Variants in ULK1 observed in about 807,000 individuals in gnomAD.
The protein encoded by ULK1 is unc-51 like autophagy activating kinase 1, also known as serine/threonine-protein kinase ULK1.
In ULK1, 48 loss-of-function variants were observed where a neutral mutation model predicts 117.5. That is an observed-to-expected ratio of 0.41 (90% CI 0.32 to 0.52). The LOEUF (loss-of-function observed/expected upper bound fraction) is 0.52, where lower values mean the gene tolerates loss of function less well. ULK1 is among the 20% of genes least tolerant of loss of function. ULK1 has a pLI of 0.29. For missense variants in ULK1, 1,387 were observed against 1,473.4 expected (o/e 0.94, Z 0.96); for synonymous variants, 790 against 637.8 (o/e 1.24, Z -3.60).
chr12:131,904,967 C>G (rs1889217168), intron 3 of ULK1, among the ~76,000 whole-genome samples: 1 of 152,182 alleles, frequency 6.6e-6, no homozygotes, highest in Non-Finnish European at 1.5e-5. Flanking sequence ...CTCCCCACAG[C>G]TGCTGGGAGC....
In ULK1 at chr12:131,912,101, C is replaced by A; in HGVS notation, c.1096+12C>A. Reference sequence around the variant, plus strand: ...CGCGCAGTTTCCAGGTCAGGGGGCACGCTGGGCTTGGAGGTGACGCCTCAG... The same window carrying A: ...CGCGCAGTTTCCAGGTCAGGGGGCAAGCTGGGCTTGGAGGTGACGCCTCAG... On this transcript the variant is annotated intron_variant, in intron 13 of 27. Transcript: ENST00000321867. 6.2e-7 allele frequency: 1 copy of A among 1,608,742 alleles called. No homozygotes were observed. Among genetic ancestry groups the A allele is most frequent in the Admixed American group, 1.7e-5 (1 of 59,502 alleles).
At position 131,915,116 on chromosome 12, in the gene ULK1, C is replaced by A. The variant is rs958107443; in HGVS notation, c.1407C>A (p.Ser469Arg). Residue 469 changes from serine to arginine, a missense_variant, in exon 17 of 28, where the codon AGC (serine) becomes AGA (arginine). Around this residue, in one of 4 missense-constraint regions of ULK1, gnomAD observed 900 missense variants for 858.9 expected, o/e 1.05. Transcript: ENST00000321867. ...SSAIRRSGST[S>R]PLGFARASPS... ...CCATCCGCAGGTCAGGCAGCACCAG[C>A]CCCCTGGGCTTTGCAAGGGCCAGCC... The A allele has an allele frequency of 2.5e-6, 4 of 1,575,268 alleles. No homozygotes were observed. Among genetic ancestry groups the A allele is most frequent in the Non-Finnish European group, 1.7e-6 (2 of 1,161,964 alleles).
At chr12:131,904,019 C>T (rs541681065) in intron 3 of ULK1, among the ~76,000 whole-genome samples, 1 of 152,046 alleles carries the variant, frequency 6.6e-6, no homozygotes, top group Non-Finnish European at 1.5e-5. Flanking sequence ...ATGGCAGGGC[C>T]AGGTGCCCTG....
intron 26 of ULK1, chr12:131,920,679 G>A (rs1365687538): frequency 9.9e-6 from 2 of 202,106 alleles, no homozygotes; most frequent in African/African-American, 4.6e-5. Context: ...AGCTTCCCAA[G>A]ATGCTGGGTA....
At chr12:131,914,216 C>G in intron 15 of ULK1, 136 bp from the exon 16 acceptor site, 1 of 1,391,742 alleles carries the variant, frequency 7.2e-7, no homozygotes, top group East Asian at 2.3e-5. Context: ...CTTTTCAGAC[C>G]TGGCATGGGT....
In ULK1 at chr12:131,903,078, T is replaced by C. The variant is rs906422349; in HGVS notation, c.247-3814T>C. ...TGGCCGGTGAGGCTGTGCTCTCACC[T>C]GACCCCCCTCAAGAGCCCTAGAGAG... On this transcript the variant is annotated intron_variant, in intron 3 of 27. Transcript: ENST00000321867. This position sits in a 1 kb window ranked among gnomAD's most constrained non-coding sequence, Gnocchi z 6.0. Among the ~76,000 whole-genome samples the C allele has an allele frequency of 3.3e-5, 5 of 152,118 alleles. No homozygotes were observed. The highest frequency in any genetic ancestry group is 4.8e-5 in the African/African-American group (2 of 41,422).
chr12:131,910,259 T>C lies in ULK1; in HGVS notation c.814T>C (p.Phe272Leu). 6.2e-7 allele frequency: 1 copy of C among 1,613,082 alleles called. No individual in the cohort carries two copies. The highest frequency in any genetic ancestry group is 8.5e-7 in the Non-Finnish European group (1 of 1,179,810). The change falls in exon 11 of 28, where the codon TTT becomes CTT. Residue 272 changes from phenylalanine (F) to leucine (L), a missense_variant. By Grantham distance (22) the Phe-to-Leu change is conservative. Coordinates refer to ENST00000321867, the MANE Select transcript of ULK1 (RefSeq NM_003565.4). ...NHKDRMDFDE[F>L]FHHPFLDASP... ...ACTCCTCCTTCCTCCTGCAGATGAGTTTTTTCATCACCCTTTCCTCGATGC... is the reference window on the plus strand; with the variant it reads ...ACTCCTCCTTCCTCCTGCAGATGAGCTTTTTCATCACCCTTTCCTCGATGC...
At position 131,916,635 on chromosome 12, in the gene ULK1, C is replaced by T. The variant is rs368278240; in HGVS notation, c.2072+44C>T. On this transcript the variant is annotated intron_variant, in intron 20 of 27. Transcript: ENST00000321867. ...CCTTGGACGGGCTTCTGAGGGGCAG[C>T]CTCTTTCCCCTGCATTGTTCTGCTG... 53 of 1,488,304 alleles carry T rather than the reference C, an allele frequency of 3.6e-5. No individual in the cohort carries two copies. The African/African-American group carries it at 6.5e-4, about 18-fold the overall frequency. The allele number at this position is 1,488,304 out of a possible 1,614,324, so 92.2% of individuals were successfully genotyped here.
chr12:131,914,018 G>T (rs966348290), intron 15 of ULK1, among the ~76,000 whole-genome samples, 182 bp downstream of exon 15: 4 of 152,254 alleles, frequency 2.6e-5, no homozygotes, highest in Admixed American at 1.3e-4. Context: ...AGTGGGAGGA[G>T]CATTGACAGG....
intron 20 of ULK1, 42 bp from the exon 21 acceptor site, chr12:131,916,911 G>A: frequency 1.3e-6 from 2 of 1,553,246 alleles, no homozygotes; most frequent in Non-Finnish European, 1.8e-6. Context: ...AGTTAGGGTG[G>A]GGTGGGCCGG....
At position 131,919,290 on chromosome 12, in the gene ULK1, A is replaced by C; in HGVS notation, c.2590A>C (p.Lys864Gln). 4 of 1,597,692 alleles carry C rather than the reference A, an allele frequency of 2.5e-6. No individual in the cohort carries two copies. The highest frequency in any genetic ancestry group is 2.6e-6 in the Non-Finnish European group (3 of 1,175,476). ...GCACGTCCTGGAGATCGCAGCCCTG[A>C]AGGGCAGCGCCAGTGAGGCGGCGGG... ...VQHVLEIAAL[K>Q]GSASEAAGGP... The change falls in exon 24 of 28, where the codon AAG (lysine) becomes CAG (glutamine). Residue 864 changes from lysine to glutamine, a missense_variant. Coordinates refer to ENST00000321867, the MANE Select transcript of ULK1 (RefSeq NM_003565.4).
chr12:131,909,889 C>T (rs767895640), intron 9 of ULK1, 30 bp from the exon 10 acceptor site: 2 of 1,611,152 alleles, frequency 1.2e-6, no homozygotes, highest in East Asian at 4.5e-5. Context: ...CCCCGCAGGC[C>T]CTGCTCACAC....
chr12:131,907,930 G>A (rs574200827), intron 5 of ULK1, among the ~76,000 whole-genome samples: 2 of 151,830 alleles, frequency 1.3e-5, no homozygotes, highest in African/African-American at 4.8e-5. Flanking sequence ...AGGACAGCAG[G>A]GGGGCGGCCG....
intron 12 of ULK1, among the ~76,000 whole-genome samples, chr12:131,911,198 G>A (rs1889519244): frequency 6.6e-6 from 1 of 152,200 alleles, no homozygotes; most frequent in Non-Finnish European, 1.5e-5. Context: ...TGACATGGGA[G>A]GGGTCTGCAG....
At chr12:131,919,656 G>A in intron 25 of ULK1, 66 bp downstream of exon 25, 1 of 1,527,496 alleles carries the variant, frequency 6.5e-7, no homozygotes, top group Non-Finnish European at 9.0e-7. Flanking sequence ...CAACTGCCTG[G>A]GTGACAGGGT....
intron 3 of ULK1, among the ~76,000 whole-genome samples, chr12:131,896,213 C>A (rs950317815): frequency 6.6e-6 from 1 of 152,116 alleles, no homozygotes; most frequent in Non-Finnish European, 1.5e-5. Flanking sequence ...CGGCATTGGC[C>A]GGCCTCGCTC....
chr12:131,895,748 C>T (rs1270242501), intron 2 of ULK1, 35 bp from the exon 3 acceptor site: 4 of 1,613,998 alleles, frequency 2.5e-6, no homozygotes, highest in Non-Finnish European at 2.5e-6. Context: ...AGCCCCCCTC[C>T]CCACACTGAT....
At chr12:131,898,021 G>C (rs1400955490) in intron 3 of ULK1, 3 of 152,270 alleles carry the variant, frequency 2.0e-5, no homozygotes, top group Non-Finnish European at 4.4e-5. Context: ...TGCCATATGT[G>C]CACACACAGC....
chr12:131,916,518 G>T lies in ULK1; in HGVS notation c.1999G>T (p.Val667Leu), dbSNP rs758153470. The change falls in exon 20 of 28, where the codon GTG becomes TTG. Residue 667 changes from valine (V) to leucine (L), a missense_variant. Val to Leu is a conservative substitution (Grantham distance 32). Transcript: ENST00000321867. ...RNRTLPDLSE[V>L]GPFHGQPLGP... ...CCGGACGCTGCCCGACCTCTCGGAG[G>T]TGGGACCCTTCCATGGTCAGCCGTT... 2 of 1,611,670 alleles carry T rather than the reference G, an allele frequency of 1.2e-6. No homozygotes were observed. Among genetic ancestry groups the T allele is most frequent in the Non-Finnish European group, 1.7e-6 (2 of 1,179,768 alleles).
Sources: gnomAD v4.1 joint callset for allele counts (sites outside exome capture counted in the v4.1 genomes callset) on GRCh38, gnomAD v4.1.1 for gene constraint, gnomAD v4.1.1 regional missense constraint, Gnocchi (gnomAD v3.1) non-coding constraint, MANE v1.5 for transcripts, NCBI Gene and HGNC (gene_info 2026-07-23, HGNC 2026-07-21) for gene names.